Variants in PCDH15 observed in about 807,000 individuals in gnomAD.
PCDH15 encodes the protein protocadherin-15.
A neutral mutation model predicts 178.5 loss-of-function variants in PCDH15; 129 were observed. The observed-to-expected ratio is 0.72, with a 90% CI of 0.63 to 0.84. The LOEUF (loss-of-function observed/expected upper bound fraction) is 0.84, where lower values mean the gene tolerates loss of function less well. Among genes scored for constraint, PCDH15 ranks in the 40% least tolerant of loss-of-function variants. The pLI is 0.00. For missense variants in PCDH15, 2,230 were observed against 2,099.9 expected (o/e 1.06, Z -1.21); for synonymous variants, 800 against 732.0 (o/e 1.09, Z -1.50).
At chr10:55,383,202 C>T (rs568457339) in intron 2 of PCDH15, among the ~76,000 whole-genome samples, 1 of 152,150 alleles carries the variant, frequency 6.6e-6, no homozygotes, top group South Asian at 2.1e-4. Flanking sequence ...TGTCTCCAGC[C>T]AGGCTCCTCT....
At chr10:54,337,910 C>A (rs1941502697) in intron 6 of PCDH15, among the ~76,000 whole-genome samples, 1 of 152,180 alleles carries the variant, frequency 6.6e-6, no homozygotes, top group Non-Finnish European at 1.5e-5. Context: ...TGTGTCTTAG[C>A]TTGAAACCAC....
chr10:55,515,303 A>G (rs1269338163), intron 2 of PCDH15, among the ~76,000 whole-genome samples: 1 of 151,988 alleles, frequency 6.6e-6, no homozygotes, highest in Non-Finnish European at 1.5e-5. Context: ...GAGTCCCAAC[A>G]GCACCTGAGA....
rs116508578 is a variant in PCDH15 at position 55,283,618 on chromosome 10, C to T, written c.-156+35981G>A. On this transcript the variant is annotated intron_variant, in intron 1 of 5. Coordinates refer to the PCDH15 transcript ENST00000458638. ...CCTGTCTTCCTCCATTCTTGCCCACCTGCTTTCTATCCAGTCACTATTAAG... is the reference window on the plus strand; with the variant it reads ...CCTGTCTTCCTCCATTCTTGCCCACTTGCTTTCTATCCAGTCACTATTAAG... Among the ~76,000 whole-genome samples, 596 of 151,242 alleles carry T rather than the reference C, an allele frequency of 3.9e-3. 1 individual carries two copies. Among genetic ancestry groups the T allele is most frequent in the African/African-American group, 0.012 (478 of 41,182 alleles).
chr10:55,066,179 C>A (rs558825033), intron 2 of PCDH15, among the ~76,000 whole-genome samples: 9 of 151,196 alleles, frequency 6.0e-5, no homozygotes, highest in African/African-American at 2.2e-4. Flanking sequence ...TTCTTAACAG[C>A]AGTTCTCTCT....
At chr10:54,146,765 A>T (rs916475142) in intron 14 of PCDH15, among the ~76,000 whole-genome samples, 1 of 150,824 alleles carries the variant, frequency 6.6e-6, no homozygotes, top group African/African-American at 2.4e-5. Context: ...TAAAATAATA[A>T]TATAGAAAAC....
At chr10:53,868,410 A>T (rs891530995) in intron 26 of PCDH15, among the ~76,000 whole-genome samples, 1 of 152,138 alleles carries the variant, frequency 6.6e-6, no homozygotes, top group Non-Finnish European at 1.5e-5. Flanking sequence ...ACTGAGGAAT[A>T]TATTGTTTTA....
At chr10:54,195,333 T>G (rs1298346382) in intron 11 of PCDH15, among the ~76,000 whole-genome samples, 1 of 152,168 alleles carries the variant, frequency 6.6e-6, no homozygotes, top group Non-Finnish European at 1.5e-5. Flanking sequence ...CTTTCATGAT[T>G]TTTTACTCAT....
chr10:55,237,196 T>A (rs1417056596), intron 1 of PCDH15, among the ~76,000 whole-genome samples: 1 of 152,106 alleles, frequency 6.6e-6, no homozygotes. Context: ...AGGGATGAAA[T>A]CGGCTGCACA....
intron 17 of PCDH15, among the ~76,000 whole-genome samples, chr10:54,077,850 G>A (rs928482238): frequency 1.3e-5 from 2 of 152,130 alleles, no homozygotes; most frequent in Non-Finnish European, 2.9e-5. Context: ...ATCATCTGAG[G>A]TCAGGAGTTC....
At chr10:54,561,980 C>CTTTTTTTTTTTTTTTTTT (rs575547228) in intron 2 of PCDH15, among the ~76,000 whole-genome samples, 2 of 75,252 alleles carry the variant, frequency 2.7e-5, no homozygotes, top group African/African-American at 6.8e-5. Flanking sequence ...CCGCACCCAG[C>CTTTTTTTTTTTTTTTTTT]TTTTTTTTTT....
intron 10 of PCDH15, among the ~76,000 whole-genome samples, chr10:54,197,866 T>C (rs542781450): frequency 2.6e-5 from 4 of 152,356 alleles, no homozygotes; most frequent in African/African-American, 7.2e-5. Flanking sequence ...TGCTAATTAA[T>C]AAACCCATAG....
At chr10:53,958,735 C>T (rs1420321297) in intron 23 of PCDH15, among the ~76,000 whole-genome samples, 3 of 152,004 alleles carry the variant, frequency 2.0e-5, no homozygotes, top group Non-Finnish European at 4.4e-5. Flanking sequence ...AATCCCAGCA[C>T]TTTGGGAGGC....
At chr10:54,337,057 C>T (rs962293745) in intron 6 of PCDH15, among the ~76,000 whole-genome samples, 1 of 151,936 alleles carries the variant, frequency 6.6e-6, no homozygotes, top group Non-Finnish European at 1.5e-5. Context: ...GGATTTCAGA[C>T]TTGTATAGGG....
intron 18 of PCDH15, among the ~76,000 whole-genome samples, chr10:54,043,000 GA>G (rs755936601): frequency 9.8e-6 from 1 of 102,256 alleles, no homozygotes; most frequent in Non-Finnish European, 2.1e-5. Context: ...TGAGATTTTG[GA>G]ATTTGCTAAT....
intron 2 of PCDH15, among the ~76,000 whole-genome samples, chr10:54,897,954 A>T (rs534312516): frequency 1.3e-5 from 2 of 152,158 alleles, no homozygotes; most frequent in African/African-American, 4.8e-5. Flanking sequence ...TTCTTTCTGT[A>T]TAATATAGTT....
rs1565232239 is a variant in PCDH15 at position 54,421,912 on chromosome 10, CTATATATATATAT to C, written c.158-42983_158-42971del. Among the ~76,000 whole-genome samples, 332 of 98,988 alleles carry C rather than the reference CTATATATATATAT, an allele frequency of 3.4e-3. 13 individuals carry two copies. The highest frequency in any genetic ancestry group is 0.014 in the African/African-American group (310 of 21,846). 64.9% of individuals were successfully genotyped at this position (98,988 alleles called of 152,430 possible). A position where few individuals can be genotyped will look rare whatever the true frequency, so the allele number is the denominator to read the frequency against. ...CACACACACTATATATATATATACA[CTATATATATATAT>C]ACACTATATATATATATATAAAAAT... is the stretch of plus-strand genomic sequence containing the variant. On this transcript the variant is annotated intron_variant, in intron 3 of 37. Coordinates refer to ENST00000644397, the MANE Select transcript of PCDH15 (RefSeq NM_001384140.1).
At chr10:54,300,566 G>A (rs2060088607) in intron 8 of PCDH15, among the ~76,000 whole-genome samples, 1 of 152,148 alleles carries the variant, frequency 6.6e-6, no homozygotes, top group Non-Finnish European at 1.5e-5. Context: ...TAGCTAGAGT[G>A]GTCATCGCCC....
intron 2 of PCDH15, among the ~76,000 whole-genome samples, chr10:55,469,567 G>A (rs1040711111): frequency 2.0e-5 from 3 of 151,964 alleles, no homozygotes; most frequent in African/African-American, 7.2e-5. Context: ...ATATTGCTCA[G>A]TTTTATATAA....
chr10:55,280,430 C>T (rs754741304), intron 1 of PCDH15, among the ~76,000 whole-genome samples: 4 of 147,458 alleles, frequency 2.7e-5, no homozygotes, highest in Admixed American at 1.4e-4. Context: ...AGGTATCTGA[C>T]ACTGCACCCA....
Sources: allele counts gnomAD v4.1 joint callset (sites outside exome capture counted in the v4.1 genomes callset), GRCh38; gene constraint gnomAD v4.1.1; transcripts MANE v1.5; gene names NCBI Gene and HGNC (gene_info 2026-07-23, HGNC 2026-07-21).